SYT9: variants seen among roughly 807,000 people sequenced by gnomAD.
The protein encoded by SYT9 is synaptotagmin 9, also known as synaptotagmin-9.
SYT9 carries 22 observed loss-of-function variants against 48.4 expected under a neutral mutation model. That is an observed-to-expected ratio of 0.45 (90% CI 0.32 to 0.65). The LOEUF is 0.65. Among genes scored for constraint, SYT9 ranks in the 30% least tolerant of loss-of-function variants. SYT9 has a pLI of 0.03. For synonymous variants in SYT9, 265 were observed against 245.0 expected (o/e 1.08, Z -0.76); for missense variants, 577 against 622.0 (o/e 0.93, Z 0.77).
chr11:7,252,316 C>T lies in SYT9; in HGVS notation c.130C>T (p.Arg44Trp), dbSNP rs1209101322. The change falls in exon 1 of 7, where the codon CGG (arginine) becomes TGG (tryptophan). Residue 44 changes from arginine (R) to tryptophan (W), a missense_variant. Coordinates refer to ENST00000318881, the MANE Select transcript of SYT9 (RefSeq NM_175733.4). This position sits in a 1 kb window ranked among gnomAD's most constrained non-coding sequence, Gnocchi z 6.3. ...CCACCTGCGGGACCGTGCCAGACCCCGGCTCCGCGACCCAGGTGAGTGCCG... is the reference window on the plus strand; with the variant it reads ...CCACCTGCGGGACCGTGCCAGACCCTGGCTCCGCGACCCAGGTGAGTGCCG... The part of the protein sequence containing the change: ...IYHLRDRARP[R>W]LRDPDISVSL... 1.3e-6 allele frequency: 2 copies of T among 1,495,796 alleles called. No individual in the cohort carries two copies. Among genetic ancestry groups the T allele is most frequent in the Non-Finnish European group, 1.8e-6 (2 of 1,121,486 alleles). 92.7% of individuals were successfully genotyped at this position (1,495,796 alleles called of 1,614,324 possible).
At chr11:7,454,535 A>C (rs12277949) in intron 6 of SYT9, among the ~76,000 whole-genome samples, 1 of 152,092 alleles carries the variant, frequency 6.6e-6, no homozygotes, top group Non-Finnish European at 1.5e-5. Context: ...ACACGAGTGA[A>C]GACAATGCGA....
intron 6 of SYT9, among the ~76,000 whole-genome samples, chr11:7,456,310 CA>C (rs1479666215): frequency 3.3e-5 from 5 of 152,336 alleles, no homozygotes; most frequent in Admixed American, 2.6e-4. Flanking sequence ...AGTCAGGAGG[CA>C]GGAGGGGGCT....
chr11:7,263,817 A>G (rs1848124766), intron 1 of SYT9, among the ~76,000 whole-genome samples: 1 of 148,842 alleles, frequency 6.7e-6, no homozygotes, highest in African/African-American at 2.4e-5. Context: ...TCTTTCTAAA[A>G]GAGAATGAGA....
intron 6 of SYT9, among the ~76,000 whole-genome samples, chr11:7,459,078 G>A (rs1380323646): frequency 2.0e-5 from 3 of 152,202 alleles, no homozygotes; most frequent in Non-Finnish European, 4.4e-5. Context: ...TTTGAAGGGA[G>A]ACCCAATAGG....
intron 3 of SYT9, among the ~76,000 whole-genome samples, chr11:7,342,586 A>G (rs1468300950): frequency 6.6e-6 from 1 of 152,170 alleles, no homozygotes; most frequent in African/African-American, 2.4e-5. Flanking sequence ...TTTGCAGGGT[A>G]CAGCCTCCCT....
rs2129733 is a variant in SYT9 at position 7,379,960 on chromosome 11, A to G, written c.1045-36082A>G. Among the ~76,000 whole-genome samples, 909 of 152,300 alleles carry G rather than the reference A, an allele frequency of 6.0e-3. 3 individuals are homozygous for G. The highest frequency in any genetic ancestry group is 8.1e-3 in the Non-Finnish European group (549 of 68,026). ...GCTGGGTATATACCCAAAAGAAAGT[A>G]ACTCAAAATATTAAAGAGATATCTG... On this transcript the variant is annotated intron_variant, in intron 3 of 6. Coordinates refer to ENST00000318881, the MANE Select transcript of SYT9 (RefSeq NM_175733.4).
chr11:7,300,766 C>T (rs1564852815), intron 1 of SYT9, among the ~76,000 whole-genome samples: 1 of 152,166 alleles, frequency 6.6e-6, no homozygotes, highest in East Asian at 1.9e-4. Context: ...AGGGTTTCCT[C>T]CTTCGTGGTC....
chr11:7,418,151 C>T (rs1351339166), intron 5 of SYT9, 23 bp downstream of exon 5: 1 of 1,609,394 alleles, frequency 6.2e-7, no homozygotes, highest in Non-Finnish European at 8.5e-7. Flanking sequence ...GAACTCTTTT[C>T]CAGTGCAAGT....
At chr11:7,333,472 A>G (rs1348517892) in intron 3 of SYT9, among the ~76,000 whole-genome samples, 1 of 152,184 alleles carries the variant, frequency 6.6e-6, no homozygotes, top group Admixed American at 6.5e-5. Context: ...GAATAAATGT[A>G]TCTTTAAGAT....
At chr11:7,301,265 T>A (rs1463826902) in intron 1 of SYT9, among the ~76,000 whole-genome samples, 1 of 152,236 alleles carries the variant, frequency 6.6e-6, no homozygotes, top group Non-Finnish European at 1.5e-5. Context: ...AGGTGAAGAT[T>A]GATTGGGCGG....
chr11:7,286,743 G>T (rs946515402), intron 1 of SYT9, among the ~76,000 whole-genome samples: 23 of 152,150 alleles, frequency 1.5e-4, no homozygotes, highest in Non-Finnish European at 2.2e-4. Flanking sequence ...AGCTTTCTGG[G>T]GCAGGGGCAA....
chr11:7,329,788 A>G (rs906988923), intron 3 of SYT9, among the ~76,000 whole-genome samples: 4 of 152,204 alleles, frequency 2.6e-5, no homozygotes, highest in Non-Finnish European at 4.4e-5. Context: ...GTAGCACAGA[A>G]GGAGATGCTC....
intron 3 of SYT9, among the ~76,000 whole-genome samples, chr11:7,362,615 AT>A (rs1448504860): frequency 6.6e-6 from 1 of 152,228 alleles, no homozygotes; most frequent in Non-Finnish European, 1.5e-5. Context: ...TTGGTAGGGT[AT>A]GCCATAGTTG....
At chr11:7,268,573 T>G (rs1047091514) in intron 1 of SYT9, among the ~76,000 whole-genome samples, 5 of 152,034 alleles carry the variant, frequency 3.3e-5, no homozygotes, top group Non-Finnish European at 7.4e-5. Context: ...ACTACAGGAA[T>G]GGTAAAGCAC....
At chr11:7,352,824 T>C (rs1023744948) in intron 3 of SYT9, among the ~76,000 whole-genome samples, 1 of 152,222 alleles carries the variant, frequency 6.6e-6, no homozygotes, top group African/African-American at 2.4e-5. Flanking sequence ...AGCCATTTGG[T>C]ACTGGTCCCT....
At chr11:7,244,835 G>A (rs118141238) in intron 1 of SYT9, among the ~76,000 whole-genome samples, 1 of 152,202 alleles carries the variant, frequency 6.6e-6, no homozygotes, top group Non-Finnish European at 1.5e-5. Flanking sequence ...CAGCATGAAA[G>A]ATTTATGGGA....
rs867475298 is a variant in SYT9 at position 7,252,119 on chromosome 11, G to C, written c.-68G>C. On this transcript the variant is annotated 5_prime_UTR_variant, in exon 1 of 7. Coordinates refer to ENST00000318881, the MANE Select transcript of SYT9 (RefSeq NM_175733.4). The surrounding 1 kb of genome is among the most constrained non-coding windows in gnomAD (Gnocchi z 6.3). ...CGGACGGCCCGGAGGCGGCGGCTCT[G>C]AGCTGGCAGGCGGAGGGCTGTCTCC... The C allele has an allele frequency of 6.1e-5, 82 of 1,339,522 alleles. No homozygotes were observed. The South Asian group carries it at 6.4e-4, about 10-fold the overall frequency. The allele number at this position is 1,339,522 out of a possible 1,614,324, so 83.0% of individuals were successfully genotyped here.
At chr11:7,390,769 G>A (rs1850748136) in intron 3 of SYT9, among the ~76,000 whole-genome samples, 1 of 152,160 alleles carries the variant, frequency 6.6e-6, no homozygotes, top group African/African-American at 2.4e-5. Context: ...AGGCAATAAA[G>A]CTACAAGACA....
intron 3 of SYT9, among the ~76,000 whole-genome samples, chr11:7,347,914 T>G (rs1849833143): frequency 6.6e-6 from 1 of 152,152 alleles, no homozygotes; most frequent in Admixed American, 6.5e-5. Context: ...GGCAGAAGGC[T>G]AAGTCTGTGG....
Sources: gnomAD v4.1 joint callset for allele counts (sites outside exome capture counted in the v4.1 genomes callset) on GRCh38, gnomAD v4.1.1 for gene constraint, Gnocchi (gnomAD v3.1) non-coding constraint, MANE v1.5 for transcripts, NCBI Gene and HGNC (gene_info 2026-07-23, HGNC 2026-07-21) for gene names.